Variants in ANXA8 observed in about 807,000 individuals in gnomAD.
ANXA8 encodes VAC-beta.
A neutral mutation model predicts 26.8 loss-of-function variants in ANXA8; 9 were observed. That is an observed-to-expected ratio of 0.34 (90% confidence interval 0.20 to 0.59). ANXA8 has a LOEUF of 0.59. Among genes scored for constraint, ANXA8 ranks in the 20% least tolerant of loss-of-function variants. ANXA8 has a pLI of 0.84. For synonymous variants in ANXA8, 39 were observed against 94.8 expected, an observed-to-expected ratio of 0.41 and a Z score of 3.42; for missense variants, 83 against 238.5, an observed-to-expected ratio of 0.35 and a Z score of 4.29.
At chr10:47,560,960 GC>G in the ANXA8 span, among the ~76,000 whole-genome samples, 4 of 151,230 alleles carry the variant, frequency 2.6e-5, no homozygotes, top group East Asian at 3.9e-4. Context: ...ACGGGCACAT[GC>G]CCCCACACCC....
At chr10:47,515,669 C>T in the ANXA8 span, among the ~76,000 whole-genome samples, 2 of 136,262 alleles carry the variant, frequency 1.5e-5, no homozygotes. Context: ...AAACTGTACA[C>T]CAAAAATGGA....
the ANXA8 span, among the ~76,000 whole-genome samples, chr10:47,534,907 G>A: frequency 1.1e-5 from 1 of 94,980 alleles, no homozygotes; most frequent in Non-Finnish European, 2.0e-5. Flanking sequence ...CATCCACCTC[G>A]GCCTCCCAAA....
chr10:47,670,645 G>C, the ANXA8 span, among the ~76,000 whole-genome samples: 4 of 151,838 alleles, frequency 2.6e-5, no homozygotes, highest in African/African-American at 9.7e-5. Flanking sequence ...GTGCTTGTTG[G>C]CCATTTGTAT....
chr10:47,652,989 G>C, the ANXA8 span, among the ~76,000 whole-genome samples: 2 of 151,180 alleles, frequency 1.3e-5, no homozygotes, highest in African/African-American at 4.9e-5. Context: ...GATTGGTAGG[G>C]ACAAGGTGAC....
upstream of ANXA8, chr10:47,484,377 C>T (rs1471968369): frequency 1.1e-4 from 102 of 938,414 alleles, 3 homozygotes; most frequent in African/African-American, 1.4e-3. Context: ...AGCCACCGCA[C>T]CCAGCCCATT....
the ANXA8 span, among the ~76,000 whole-genome samples, chr10:47,733,233 C>CCCTT: frequency 1.7e-5 from 1 of 59,720 alleles, no homozygotes; most frequent in Admixed American, 2.0e-4. Flanking sequence ...CTTTCTTTCT[C>CCCTT]TCTTTCTTTC....
chr10:47,953,037 A>G, the ANXA8 span, among the ~76,000 whole-genome samples: 28 of 150,180 alleles, frequency 1.9e-4, 1 homozygote, highest in South Asian at 1.9e-3. Context: ...ATAAGAGAAA[A>G]TCTTCACAAC....
the ANXA8 span, among the ~76,000 whole-genome samples, chr10:47,704,075 G>A: frequency 7.1e-6 from 1 of 141,064 alleles, no homozygotes; most frequent in South Asian, 2.2e-4. Context: ...TGTGAGGTGG[G>A]ATCTTGGATG....
At chr10:47,541,285 A>G in the ANXA8 span, among the ~76,000 whole-genome samples, 25 of 123,880 alleles carry the variant, frequency 2.0e-4, no homozygotes, top group Admixed American at 5.9e-4. Context: ...CCAAGATCAC[A>G]CCACTGCACT....
chr10:47,501,633 C>T, the ANXA8 span, among the ~76,000 whole-genome samples: 12 of 140,582 alleles, frequency 8.5e-5, 3 homozygotes. Flanking sequence ...GGTGTGAATC[C>T]AGGAGGCAGA....
At chr10:47,957,183 TCTGACATGAA>T in the ANXA8 span, among the ~76,000 whole-genome samples, 1 of 150,084 alleles carries the variant, frequency 6.7e-6, no homozygotes, top group Admixed American at 6.6e-5. Flanking sequence ...GTGCTCCGAT[TCTGACATGAA>T]CTTCCTTTTC....
At chr10:47,982,816 A>ATATATATATATATATATATG in the ANXA8 span, among the ~76,000 whole-genome samples, 3 of 63,148 alleles carry the variant, frequency 4.8e-5, no homozygotes, top group Admixed American at 5.5e-4. Flanking sequence ...ATATATATAT[A>ATATATATATATATATATATG]TATATATATA....
the ANXA8 span, chr10:47,565,600 C>T: frequency 3.3e-6 from 1 of 299,378 alleles, no homozygotes; most frequent in African/African-American, 2.3e-5. Flanking sequence ...ACGCCCACGG[C>T]CCGGCGCGCT....
At chr10:47,535,058 T>C in the ANXA8 span, among the ~76,000 whole-genome samples, 1 of 115,498 alleles carries the variant, frequency 8.7e-6, no homozygotes, top group South Asian at 2.7e-4. Context: ...CACTGCAGCC[T>C]CCGCCTCCCA....
In ANXA8 at chr10:47,484,070, C is replaced by G; in HGVS notation, c.-137G>C. 2 of 1,605,766 alleles carry G rather than the reference C, an allele frequency of 1.2e-6. No individual in the cohort carries two copies. The highest frequency in any genetic ancestry group is 8.5e-7 in the Non-Finnish European group (1 of 1,175,028). Reference sequence around the variant, plus strand: ...TTGGGTGTGGGGGTGCAAGCCCGCCCAGGGCAGCGCCACACCTGCCTGCCG... The same window carrying G: ...TTGGGTGTGGGGGTGCAAGCCCGCCGAGGGCAGCGCCACACCTGCCTGCCG... On this transcript the variant is annotated 5_prime_UTR_variant, in exon 1 of 12. Transcript: ENST00000585281.
upstream of ANXA8, among the ~76,000 whole-genome samples, chr10:47,487,771 A>G (rs1840072872): frequency 7.1e-6 from 1 of 140,688 alleles, no homozygotes; most frequent in Non-Finnish European, 1.5e-5. Flanking sequence ...CTTGGTTTAT[A>G]GTGTTTTTTT....
At chr10:47,743,451 AAGC>A in the ANXA8 span, among the ~76,000 whole-genome samples, 2 of 126,196 alleles carry the variant, frequency 1.6e-5, no homozygotes, top group African/African-American at 3.0e-5. Flanking sequence ...TAGGTGGTAA[AAGC>A]AGTGTTTGCC....
the ANXA8 span, among the ~76,000 whole-genome samples, chr10:47,623,507 C>G: frequency 9.0e-6 from 1 of 111,520 alleles, no homozygotes; most frequent in Non-Finnish European, 2.0e-5. Flanking sequence ...TAATTTTTTT[C>G]TGTGAAATTA....
At chr10:47,736,561 T>C in the ANXA8 span, among the ~76,000 whole-genome samples, 1 of 148,654 alleles carries the variant, frequency 6.7e-6, no homozygotes, top group East Asian at 2.0e-4. Flanking sequence ...ACACTCTCTC[T>C]AAACTGAATG....
Sources: gnomAD v4.1 joint callset for allele counts (sites outside exome capture counted in the v4.1 genomes callset) on GRCh38, gnomAD v4.1.1 for gene constraint, MANE v1.5 for transcripts, NCBI Gene and HGNC (gene_info 2026-07-23, HGNC 2026-07-21) for gene names.